The following PRKCE variants were observed in gnomAD, a reference collection of about 807,000 sequenced individuals.
PRKCE encodes the protein protein kinase C epsilon.
Under a neutral mutation model 85.4 loss-of-function variants are expected in PRKCE, and 16 were observed. The observed-to-expected ratio is 0.19, with a 90% CI of 0.13 to 0.28. The LOEUF is 0.28. Ranked by LOEUF, PRKCE falls within the 10% of genes least tolerant of loss-of-function variation. PRKCE has a pLI of 1.00. For synonymous variants in PRKCE, 388 were observed against 371.5 expected (o/e 1.04, Z -0.51); for missense variants, 573 against 975.2 (o/e 0.59, Z 5.49).
rs554444192 is a variant in PRKCE at position 45,907,107 on chromosome 2, G to T, written c.412+64044G>T. Among the ~76,000 whole-genome samples the T allele has an allele frequency of 1.3e-5, 2 of 152,126 alleles. No individual in the cohort carries two copies. The highest frequency in any genetic ancestry group is 2.9e-5 in the Non-Finnish European group (2 of 68,024). On this transcript the variant is annotated intron_variant, in intron 2 of 14. Coordinates refer to ENST00000306156, the MANE Select transcript of PRKCE (RefSeq NM_005400.3). This position sits in a 1 kb window ranked among gnomAD's most constrained non-coding sequence, Gnocchi z 4.5. ...GAAGGAAGGCGGTCAGAGGGTACAC[G>T]CTCCATGTTAAATTTCTGAGGAGCA... is the stretch of plus-strand genomic sequence containing the variant.
intron 14 of PRKCE, among the ~76,000 whole-genome samples, chr2:46,163,618 C>G (rs1336524234): frequency 2.9e-5 from 3 of 102,474 alleles, no homozygotes; most frequent in East Asian, 3.4e-4. Context: ...GGAAGCTGAG[C>G]TTCATCCCCA....
chr2:45,947,709 G>C (rs1395565612), intron 2 of PRKCE, among the ~76,000 whole-genome samples: 1 of 152,058 alleles, frequency 6.6e-6, no homozygotes, highest in East Asian at 1.9e-4. Context: ...TTGATATTTT[G>C]CTTAATTATT....
intron 2 of PRKCE, among the ~76,000 whole-genome samples, chr2:45,950,020 A>C (rs1700519431): frequency 6.6e-6 from 1 of 152,122 alleles, no homozygotes; most frequent in African/African-American, 2.4e-5. Context: ...AGTAGGATTT[A>C]AGTTGAAAAT....
intron 11 of PRKCE, among the ~76,000 whole-genome samples, chr2:46,118,286 G>A (rs1201337175): frequency 6.6e-6 from 1 of 152,228 alleles, no homozygotes; most frequent in Non-Finnish European, 1.5e-5. Flanking sequence ...ACTCAGAAGA[G>A]TTGGCACTTG....
At chr2:46,020,244 A>G (rs1420161704) in intron 10 of PRKCE, among the ~76,000 whole-genome samples, 1 of 151,984 alleles carries the variant, frequency 6.6e-6, no homozygotes, top group Non-Finnish European at 1.5e-5. Context: ...AGTATGCGCT[A>G]TTAGAGGAGG....
At chr2:45,914,663 A>G (rs146415954) in intron 2 of PRKCE, among the ~76,000 whole-genome samples, 9 of 152,108 alleles carry the variant, frequency 5.9e-5, no homozygotes, top group African/African-American at 2.2e-4. Flanking sequence ...CTTTCTACAC[A>G]TGTTAAAGTC....
chr2:45,973,749 G>A (rs759213146), intron 2 of PRKCE, among the ~76,000 whole-genome samples: 21 of 152,154 alleles, frequency 1.4e-4, no homozygotes, highest in Non-Finnish European at 2.4e-4. Flanking sequence ...AGTTTAGAAC[G>A]ATTGGTTTCA....
chr2:46,115,508 C>T (rs1395618980), intron 11 of PRKCE, among the ~76,000 whole-genome samples: 2 of 152,198 alleles, frequency 1.3e-5, no homozygotes, highest in East Asian at 3.8e-4. Context: ...CCAGAAGCCC[C>T]ATTTCTCTTC....
At chr2:45,773,327 G>T (rs1382037823) in intron 1 of PRKCE, among the ~76,000 whole-genome samples, 1 of 152,224 alleles carries the variant, frequency 6.6e-6, no homozygotes, top group Admixed American at 6.5e-5. Context: ...GTGACATTGA[G>T]TGGAGATGAT....
chr2:45,903,218 C>T (rs1696701053), intron 2 of PRKCE, among the ~76,000 whole-genome samples: 1 of 152,180 alleles, frequency 6.6e-6, no homozygotes, highest in South Asian at 2.1e-4. Context: ...GAGGAGTCCT[C>T]CAAGGGATCC....
chr2:45,950,222 C>T (rs2104324373), intron 2 of PRKCE, among the ~76,000 whole-genome samples: 1 of 152,324 alleles, frequency 6.6e-6, no homozygotes, highest in South Asian at 2.1e-4. Flanking sequence ...CTGAAGCCGT[C>T]TTCAGTGAAG....
intron 1 of PRKCE, among the ~76,000 whole-genome samples, chr2:45,780,787 C>T (rs916551319): frequency 6.6e-6 from 1 of 152,198 alleles, no homozygotes; most frequent in Non-Finnish European, 1.5e-5. Flanking sequence ...TTCCTCCTCT[C>T]ATTGTGGTTT....
chr2:45,847,653 A>G (rs923274656), intron 2 of PRKCE, among the ~76,000 whole-genome samples: 1 of 152,152 alleles, frequency 6.6e-6, no homozygotes, highest in African/African-American at 2.4e-5. Flanking sequence ...CTGGGTCCAG[A>G]CCCCAGGCCA....
Position 46,143,847 on chromosome 2 carries a change from G to A in PRKCE, c.1593-1246G>A, listed in dbSNP as rs112536500. Among the ~76,000 whole-genome samples the A allele has an allele frequency of 2.9e-3, 435 of 152,314 alleles. 2 individuals carry two copies. Among genetic ancestry groups the A allele is most frequent in the African/African-American group, 7.4e-3 (309 of 41,574 alleles). ...CCCAGCTGTAAGTGGAAACGGGGTC[G>A]TGGCTACAATGCAGGCTGGTCCTAA... On this transcript the variant is annotated intron_variant, in intron 11 of 14. Transcript: ENST00000306156.
At chr2:46,066,728 G>A (rs1051799400) in intron 10 of PRKCE, among the ~76,000 whole-genome samples, 1 of 152,142 alleles carries the variant, frequency 6.6e-6, no homozygotes, top group African/African-American at 2.4e-5. Flanking sequence ...AAGTACGTGG[G>A]AACTATGTCC....
In PRKCE at chr2:46,184,484, C is replaced by G. The variant is rs947340093; in HGVS notation, c.2068-251C>G. 6.6e-6 allele frequency among the ~76,000 whole-genome samples: 1 copy of G among 152,038 alleles called. No individual in the cohort carries two copies. Among genetic ancestry groups the G allele is most frequent in the African/African-American group, 2.4e-5 (1 of 41,394 alleles). On this transcript the variant is annotated intron_variant, in intron 14 of 14. Coordinates refer to ENST00000306156, the MANE Select transcript of PRKCE (RefSeq NM_005400.3). The surrounding 1 kb of genome is among the most constrained non-coding windows in gnomAD (Gnocchi z 5.0). Reference sequence around the variant, plus strand: ...ACACGTCTGTGGGAATCCCACTTCCCTGCTTTTCCATCATACCCTCTCACC... The same window carrying G: ...ACACGTCTGTGGGAATCCCACTTCCGTGCTTTTCCATCATACCCTCTCACC...
chr2:45,692,046 C>T (rs1473484435), intron 1 of PRKCE, among the ~76,000 whole-genome samples: 1 of 152,178 alleles, frequency 6.6e-6, no homozygotes, highest in Non-Finnish European at 1.5e-5. Flanking sequence ...AAAAAACCTT[C>T]ACTCATGGAA....
intron 1 of PRKCE, among the ~76,000 whole-genome samples, chr2:45,823,950 G>T (rs1689737701): frequency 6.6e-6 from 1 of 152,242 alleles, no homozygotes; most frequent in South Asian, 2.1e-4. Context: ...GATGGACTGG[G>T]CATTGCACTC....
intron 2 of PRKCE, among the ~76,000 whole-genome samples, chr2:45,914,499 G>A (rs139186789): frequency 6.6e-6 from 1 of 152,294 alleles, no homozygotes; most frequent in African/African-American, 2.4e-5. Context: ...CAGGAAGTGT[G>A]CGAGACTGAT....
Sources: gnomAD v4.1 joint callset for allele counts (sites outside exome capture counted in the v4.1 genomes callset) on GRCh38, gnomAD v4.1.1 for gene constraint, Gnocchi (gnomAD v3.1) non-coding constraint, MANE v1.5 for transcripts, NCBI Gene and HGNC (gene_info 2026-07-23, HGNC 2026-07-21) for gene names.